Variants in NT5DC1 observed in about 807,000 individuals in gnomAD.
NT5DC1 encodes 5'-nucleotidase domain-containing protein 1.
NT5DC1 carries 42 observed loss-of-function variants against 59.4 expected under a neutral mutation model. The observed-to-expected ratio is 0.71, with a 90% CI of 0.55 to 0.92. NT5DC1 has a LOEUF of 0.92. Among genes scored for constraint, NT5DC1 ranks in the 40% least tolerant of loss-of-function variants. The probability of loss-of-function intolerance (pLI) is 0.00; values close to 1 mark genes in which losing one functional copy is unlikely to be tolerated. For missense variants in NT5DC1, 501 were observed against 537.1 expected (o/e 0.93, Z 0.66); for synonymous variants, 172 against 188.1 (o/e 0.91, Z 0.70).
chr6:116,165,159 A>G (rs1426777025), intron 6 of NT5DC1, among the ~76,000 whole-genome samples: 1 of 151,824 alleles, frequency 6.6e-6, no homozygotes, highest in Non-Finnish European at 1.5e-5. Flanking sequence ...GTCTAAAACT[A>G]GATCCCTGTC....
At chr6:116,130,162 C>T (rs1202621265) in intron 6 of NT5DC1, among the ~76,000 whole-genome samples, 3 of 152,224 alleles carry the variant, frequency 2.0e-5, no homozygotes, top group Non-Finnish European at 2.9e-5. Flanking sequence ...AACACCCCTT[C>T]ATCAACTATT....
chr6:116,106,270 C>G lies in NT5DC1; in HGVS notation c.120C>G (p.Phe40Leu), dbSNP rs1440485160. 2 of 1,580,422 alleles carry G rather than the reference C, an allele frequency of 1.3e-6. 1 individual carries two copies. The highest frequency in any genetic ancestry group is 2.2e-5 in the South Asian group (2 of 90,364). ...TCATTTATAATAGCTTTGCCCAGTT[C>G]CTAGTTAAGGAGAAAGGGTACGATA... ...APLIYNSFAQ[F>L]LVKEKGYDKE... The change falls in exon 2 of 12, where the codon TTC becomes TTG. Residue 40 changes from phenylalanine to leucine, a missense_variant. Phe to Leu is a conservative substitution (Grantham distance 22). Transcript: ENST00000319550.
chr6:116,218,882 ATAACCT>A lies in NT5DC1; in HGVS notation c.530-2168_530-2163del, dbSNP rs766263642. Among the ~76,000 whole-genome samples the A allele has an allele frequency of 5.0e-4, 76 of 152,216 alleles. 1 individual carries two copies. Among genetic ancestry groups the A allele is most frequent in the Non-Finnish European group, 4.1e-4 (28 of 68,028 alleles). On this transcript the variant is annotated intron_variant, in intron 6 of 11. Transcript: ENST00000319550. ...TGATGCTTTAAGTTGCAAATAATAA[ATAACCT>A]TAATGTTTAAGCTATTACTAAATTG... is the stretch of plus-strand genomic sequence containing the variant.
At chr6:116,179,343 A>G (rs1358564964) in intron 6 of NT5DC1, among the ~76,000 whole-genome samples, 1 of 152,176 alleles carries the variant, frequency 6.6e-6, no homozygotes, top group Non-Finnish European at 1.5e-5. Context: ...AGATGTTAAT[A>G]CTTTCTTCAG....
At chr6:116,145,165 A>G (rs1779865384) in intron 6 of NT5DC1, among the ~76,000 whole-genome samples, 1 of 152,006 alleles carries the variant, frequency 6.6e-6, no homozygotes, top group African/African-American at 2.4e-5. Flanking sequence ...TCTCCTCCTC[A>G]CTCTGCAGTG....
At position 116,124,785 on chromosome 6, in the gene NT5DC1, G is replaced by A. The variant is rs764995150; in HGVS notation, c.529+6840G>A. On this transcript the variant is annotated intron_variant, in intron 6 of 11. Transcript: ENST00000319550. ...GCTAAACTATATTCAAAATGTATAA[G>A]TAATTATGAGAATTGCAGTTTCATT... 3.0e-4 allele frequency among the ~76,000 whole-genome samples: 45 copies of A among 152,122 alleles called. 1 individual carries two copies. Among genetic ancestry groups the A allele is most frequent in the Admixed American group, 7.2e-4 (11 of 15,264 alleles).
At chr6:116,128,875 A>G (rs185751172) in intron 6 of NT5DC1, among the ~76,000 whole-genome samples, 25 of 152,302 alleles carry the variant, frequency 1.6e-4, no homozygotes, top group Admixed American at 2.0e-4. Context: ...CCTTGTTAAT[A>G]TTAGTTACAT....
intron 1 of NT5DC1, among the ~76,000 whole-genome samples, chr6:116,101,431 T>G (rs188225735): frequency 6.7e-6 from 1 of 149,046 alleles, no homozygotes; most frequent in African/African-American, 2.4e-5. Flanking sequence ...CACAGCCACT[T>G]GATTTGGTAC....
At chr6:116,227,743 C>G (rs1781937792) in intron 8 of NT5DC1, among the ~76,000 whole-genome samples, 1 of 152,064 alleles carries the variant, frequency 6.6e-6, no homozygotes, top group Admixed American at 6.5e-5. Flanking sequence ...CGTATAACTG[C>G]TAGACATTTG....
At chr6:116,136,758 C>T (rs1406442967) in intron 6 of NT5DC1, among the ~76,000 whole-genome samples, 1 of 152,122 alleles carries the variant, frequency 6.6e-6, no homozygotes, top group African/African-American at 2.4e-5. Flanking sequence ...TAACAATAAG[C>T]TATTCTTGGC....
intron 9 of NT5DC1, chr6:116,237,535 C>T (rs778941204): frequency 2.2e-6 from 1 of 457,146 alleles, no homozygotes; most frequent in Admixed American, 2.3e-5. Flanking sequence ...GTCACCATGC[C>T]ACAGTCTCCT....
chr6:116,164,033 G>A (rs1780408243), intron 6 of NT5DC1, among the ~76,000 whole-genome samples: 1 of 152,158 alleles, frequency 6.6e-6, no homozygotes, highest in African/African-American at 2.4e-5. Flanking sequence ...CAATTTTAAA[G>A]AAAGTTCCAT....
At chr6:116,123,212 G>A (rs1022164240) in intron 6 of NT5DC1, among the ~76,000 whole-genome samples, 1 of 152,196 alleles carries the variant, frequency 6.6e-6, no homozygotes, top group African/African-American at 2.4e-5. Context: ...GGAGAAACAA[G>A]TCAATGGAAA....
intron 1 of NT5DC1, among the ~76,000 whole-genome samples, chr6:116,102,865 A>G (rs1193890091): frequency 6.6e-6 from 1 of 152,244 alleles, no homozygotes; most frequent in East Asian, 1.9e-4. Flanking sequence ...GGTGGGTAGT[A>G]TGACCTGGGT....
chr6:116,168,670 C>A (rs1337594052), intron 6 of NT5DC1, among the ~76,000 whole-genome samples: 2 of 151,644 alleles, frequency 1.3e-5, no homozygotes, highest in Non-Finnish European at 2.9e-5. Context: ...CCTTGAGTAT[C>A]TGATAATTTT....
intron 6 of NT5DC1, among the ~76,000 whole-genome samples, chr6:116,205,335 C>CT (rs886641173): frequency 6.6e-6 from 1 of 150,978 alleles, no homozygotes; most frequent in Non-Finnish European, 1.5e-5. Flanking sequence ...AGACTTCAGA[C>CT]TTTTTTTTTA....
chr6:116,104,924 C>T (rs1231646273), intron 1 of NT5DC1, among the ~76,000 whole-genome samples: 2 of 152,086 alleles, frequency 1.3e-5, no homozygotes, highest in Non-Finnish European at 2.9e-5. Context: ...AGAGAGGGCC[C>T]TCTCTACCCT....
intron 6 of NT5DC1, among the ~76,000 whole-genome samples, chr6:116,128,865 C>A (rs1056276977): frequency 6.6e-6 from 1 of 152,092 alleles, no homozygotes; most frequent in African/African-American, 2.4e-5. Context: ...TCTATTACCA[C>A]CTTGTTAATA....
At chr6:116,208,171 A>G (rs1428428906) in intron 6 of NT5DC1, among the ~76,000 whole-genome samples, 3 of 151,968 alleles carry the variant, frequency 2.0e-5, no homozygotes, top group African/African-American at 4.8e-5. Context: ...TTGTGCCTCA[A>G]AGCTAGAGAA....
Sources: gnomAD v4.1 joint callset for allele counts (sites outside exome capture counted in the v4.1 genomes callset) on GRCh38, gnomAD v4.1.1 for gene constraint, MANE v1.5 for transcripts, NCBI Gene and HGNC (gene_info 2026-07-23, HGNC 2026-07-21) for gene names.